The following ARHGEF38 variants were observed in gnomAD, a reference collection of about 807,000 sequenced individuals.
The protein encoded by ARHGEF38 is Rho guanine nucleotide exchange factor (GEF) 38.
ARHGEF38 carries 79 observed loss-of-function variants against 79.9 expected under a neutral mutation model. That is an observed-to-expected ratio of 0.99 (90% CI 0.82 to 1.19). The LOEUF (loss-of-function observed/expected upper bound fraction) is 1.19. ARHGEF38 is among the 50% of genes most tolerant of loss of function. ARHGEF38 has a pLI of 0.00. For missense variants in ARHGEF38, 962 were observed against 907.2 expected, an observed-to-expected ratio of 1.06 and a Z score of -0.78; for synonymous variants, 366 against 328.3, an observed-to-expected ratio of 1.11 and a Z score of -1.24.
intron 3 of ARHGEF38, among the ~76,000 whole-genome samples, chr4:105,625,754 G>A (rs186374411): frequency 4.6e-5 from 7 of 152,118 alleles, no homozygotes; most frequent in African/African-American, 1.7e-4. Flanking sequence ...TTTTGATTTG[G>A]GGCAGCCAAA....
At chr4:105,609,972 G>A (rs1169214391) in intron 2 of ARHGEF38, among the ~76,000 whole-genome samples, 2 of 152,204 alleles carry the variant, frequency 1.3e-5, no homozygotes, top group Middle Eastern at 3.4e-3. Flanking sequence ...GCCCATCCAT[G>A]ATAGACCGGA....
At chr4:105,625,613 A>C (rs567160124) in intron 3 of ARHGEF38, among the ~76,000 whole-genome samples, 22 of 152,342 alleles carry the variant, frequency 1.4e-4, no homozygotes, top group Admixed American at 2.6e-4. Flanking sequence ...GGATGAAGAC[A>C]GTGTAAAGGC....
At chr4:105,682,146 C>A (rs1313883388), downstream of ARHGEF38, among the ~76,000 whole-genome samples, 2 of 151,774 alleles carry the variant, frequency 1.3e-5, no homozygotes, top group Non-Finnish European at 2.9e-5. Flanking sequence ...AAAAGATATA[C>A]CCTTAAATAA....
At chr4:105,626,938 C>G (rs980652666) in intron 3 of ARHGEF38, among the ~76,000 whole-genome samples, 24 of 151,940 alleles carry the variant, frequency 1.6e-4, no homozygotes, top group Middle Eastern at 6.8e-3. Context: ...ACACCTATCT[C>G]CTTGCTTTTT....
At position 105,678,076 on chromosome 4, in the gene ARHGEF38, A is replaced by C; in HGVS notation, c.*139A>C. On this transcript the variant is annotated 3_prime_UTR_variant, in exon 14 of 14. Transcript: ENST00000420470. ...GATACTGTACTGGGTTTTCAGGAAT[A>C]CTGTACTTCCTAACAGGATTATTGC... 1.7e-6 allele frequency: 1 copy of C among 594,310 alleles called. No individual in the cohort carries two copies. Among genetic ancestry groups the C allele is most frequent in the East Asian group, 2.9e-5 (1 of 34,764 alleles). 36.8% of individuals were successfully genotyped at this position (594,310 alleles called of 1,614,324 possible).
intron 1 of ARHGEF38, among the ~76,000 whole-genome samples, chr4:105,570,538 C>T (rs1406965939): frequency 6.6e-6 from 1 of 152,144 alleles, no homozygotes; most frequent in African/African-American, 2.4e-5. Flanking sequence ...GCAAACACAT[C>T]CTTCTCATGG....
At chr4:105,572,918 T>C (rs1157987380) in intron 1 of ARHGEF38, among the ~76,000 whole-genome samples, 1 of 152,192 alleles carries the variant, frequency 6.6e-6, no homozygotes. Flanking sequence ...TTTTAAAATA[T>C]ATTAGCCATC....
Position 105,680,215 on chromosome 4 carries a change from T to G in ARHGEF38, c.*2278T>G, listed in dbSNP as rs1397447660. The stretch of plus-strand genomic sequence containing the variant: ...TTTAGTGTTTTCCCTTTTCTTTTCC[T>G]TAAGTCACTAAAATCTGTAGTTATA... On this transcript the variant is annotated 3_prime_UTR_variant, in exon 14 of 14. Transcript: ENST00000420470. 4.4e-6 allele frequency: 2 copies of G among 459,372 alleles called. No individual in the cohort carries two copies. The highest frequency in any genetic ancestry group is 4.0e-5 in the African/African-American group (2 of 50,150). The allele number at this position is 459,372 out of a possible 1,614,324, so 28.5% of individuals were successfully genotyped here. A position where few individuals can be genotyped will look rare whatever the true frequency, so the allele number is the denominator to read the frequency against.
chr4:105,591,018 G>A (rs1019770726), intron 2 of ARHGEF38, among the ~76,000 whole-genome samples: 33 of 151,214 alleles, frequency 2.2e-4, no homozygotes, highest in African/African-American at 7.8e-4. Context: ...AATTTTTCTG[G>A]TAAGTCTTTT....
At chr4:105,591,721 A>G (rs1332560030) in intron 2 of ARHGEF38, among the ~76,000 whole-genome samples, 1 of 152,224 alleles carries the variant, frequency 6.6e-6, no homozygotes, top group Non-Finnish European at 1.5e-5. Context: ...TTTAATGCTT[A>G]CTATATGTCA....
At chr4:105,654,834 A>G (rs1730257018) in intron 8 of ARHGEF38, among the ~76,000 whole-genome samples, 1 of 152,204 alleles carries the variant, frequency 6.6e-6, no homozygotes, top group Non-Finnish European at 1.5e-5. Context: ...CATGACACAT[A>G]GAAAGTTAGT....
chr4:105,606,754 G>A (rs540872199), intron 2 of ARHGEF38, among the ~76,000 whole-genome samples: 2 of 151,848 alleles, frequency 1.3e-5, no homozygotes, highest in South Asian at 4.2e-4. Flanking sequence ...TGTTGTTAAG[G>A]CAAAAAAAAT....
chr4:105,625,959 A>G (rs73837083), intron 3 of ARHGEF38, among the ~76,000 whole-genome samples: 1,586 of 152,010 alleles, frequency 0.01, 25 homozygotes, highest in African/African-American at 0.036. Flanking sequence ...ACCATCCTCA[A>G]TGTTAGTGTT....
chr4:105,632,068 G>A (rs1729218644), intron 4 of ARHGEF38, among the ~76,000 whole-genome samples: 1 of 152,148 alleles, frequency 6.6e-6, no homozygotes, highest in Non-Finnish European at 1.5e-5. Context: ...TGGTACAAGA[G>A]GTTTTTAGCT....
chr4:105,680,574 T>G lies in ARHGEF38; in HGVS notation c.*2637T>G, dbSNP rs933807449. On this transcript the variant is annotated 3_prime_UTR_variant, in exon 14 of 14. Transcript: ENST00000420470. The stretch of plus-strand genomic sequence containing the variant: ...AGTTAAAGGGTCTTGTAGCTCATTT[T>G]ATGACATGAAAAAAATCAAGGTCTA... 5 of 152,586 alleles carry G rather than the reference T, an allele frequency of 3.3e-5. No homozygotes were observed. Among genetic ancestry groups the G allele is most frequent in the African/African-American group, 1.2e-4 (5 of 41,452 alleles). The allele number at this position is 152,586 out of a possible 1,614,324, so 9.5% of individuals were successfully genotyped here.
chr4:105,570,788 A>G (rs1170468690), intron 1 of ARHGEF38, among the ~76,000 whole-genome samples: 1 of 152,210 alleles, frequency 6.6e-6, no homozygotes, highest in Non-Finnish European at 1.5e-5. Context: ...GTATATATAC[A>G]CAATGGAGCA....
At chr4:105,578,272 C>T (rs1184340484) in intron 1 of ARHGEF38, among the ~76,000 whole-genome samples, 1 of 152,084 alleles carries the variant, frequency 6.6e-6, no homozygotes, top group African/African-American at 2.4e-5. Context: ...TTTTATTCCA[C>T]TGTGGTCTGA....
intron 2 of ARHGEF38, among the ~76,000 whole-genome samples, chr4:105,597,623 G>A (rs1727639068): frequency 6.6e-6 from 1 of 152,132 alleles, no homozygotes; most frequent in African/African-American, 2.4e-5. Context: ...CCATGAAATT[G>A]CCCTGAACTC....
intron 10 of ARHGEF38, among the ~76,000 whole-genome samples, chr4:105,663,250 TTC>T (rs1161728547): frequency 6.6e-6 from 1 of 152,164 alleles, no homozygotes; most frequent in East Asian, 1.9e-4. Context: ...TAATGTATCC[TTC>T]TGTTTAAATT....
Sources: gnomAD v4.1 joint callset for allele counts (sites outside exome capture counted in the v4.1 genomes callset) on GRCh38, gnomAD v4.1.1 for gene constraint, MANE v1.5 for transcripts, NCBI Gene and HGNC (gene_info 2026-07-23, HGNC 2026-07-21) for gene names.